Variants in GRID2 observed in about 807,000 individuals in gnomAD.
The protein encoded by GRID2 is glutamate receptor ionotropic, delta-2.
In GRID2, 33 loss-of-function variants were observed where a neutral mutation model predicts 114.8. That is an observed-to-expected ratio of 0.29 (90% CI 0.22 to 0.38). GRID2 has a LOEUF of 0.38. GRID2 is among the 10% of genes least tolerant of loss of function. The pLI is 1.00. For synonymous variants in GRID2, 505 were observed against 449.9 expected (o/e 1.12, Z -1.55); for missense variants, 1,184 against 1,257.7 (o/e 0.94, Z 0.89).
chr4:93,162,530 T>C (rs1319858724), intron 4 of GRID2, among the ~76,000 whole-genome samples: 1 of 151,968 alleles, frequency 6.6e-6, no homozygotes, highest in Non-Finnish European at 1.5e-5. Flanking sequence ...TGTGTTTGTA[T>C]ATTCCTTTTT....
chr4:92,553,186 T>C (rs975295466), intron 1 of GRID2, among the ~76,000 whole-genome samples: 1 of 152,216 alleles, frequency 6.6e-6, no homozygotes, highest in Non-Finnish European at 1.5e-5. Flanking sequence ...GCTTAATATC[T>C]AAGACGGACC....
rs868466052 is a variant in GRID2 at position 93,381,049 on chromosome 4, A to T, written c.1246-14558A>T. Among the ~76,000 whole-genome samples, 30 of 152,078 alleles carry T rather than the reference A, an allele frequency of 2.0e-4. No individual in the cohort carries two copies. In the Middle Eastern group the frequency reaches 0.017, roughly 86 times the overall value. On this transcript the variant is annotated intron_variant, in intron 8 of 15. Coordinates refer to ENST00000282020, the MANE Select transcript of GRID2 (RefSeq NM_001510.4). ...TACTCAATATTCTACCCCAGCCTTT[A>T]AAAAAAATTTTATTGTGGTAAAATA...
At chr4:93,406,110 A>T (rs1766384350) in intron 9 of GRID2, among the ~76,000 whole-genome samples, 1 of 152,164 alleles carries the variant, frequency 6.6e-6, no homozygotes, top group South Asian at 2.1e-4. Context: ...ATAAGCATTG[A>T]ATCCTTATCT....
chr4:92,449,759 A>G (rs556383599), intron 1 of GRID2, among the ~76,000 whole-genome samples: 35 of 147,250 alleles, frequency 2.4e-4, no homozygotes, highest in African/African-American at 8.7e-4. Flanking sequence ...AGGAATCTCT[A>G]GAAGCTTCAT....
chr4:93,222,378 C>T (rs972922942), intron 6 of GRID2, among the ~76,000 whole-genome samples: 1 of 151,574 alleles, frequency 6.6e-6, no homozygotes, highest in African/African-American at 2.4e-5. Flanking sequence ...AGCTTTGAAC[C>T]AAATATTGAG....
chr4:92,589,869 T>C (rs1728624720), intron 1 of GRID2, among the ~76,000 whole-genome samples: 1 of 152,188 alleles, frequency 6.6e-6, no homozygotes, highest in Non-Finnish European at 1.5e-5. Context: ...AGAAGCTTTT[T>C]ATACCTATTA....
chr4:92,410,040 A>G (rs1042067197), intron 1 of GRID2, among the ~76,000 whole-genome samples: 3 of 152,214 alleles, frequency 2.0e-5, no homozygotes, highest in African/African-American at 4.8e-5. Context: ...GAAAATATAA[A>G]TGCTATATTG....
intron 2 of GRID2, among the ~76,000 whole-genome samples, chr4:92,809,613 C>T (rs1444685644): frequency 6.6e-6 from 1 of 151,932 alleles, no homozygotes; most frequent in African/African-American, 2.4e-5. Flanking sequence ...TGATAGGTGA[C>T]CATCCAGCCC....
chr4:93,612,111 T>G (rs1740995168), intron 13 of GRID2, among the ~76,000 whole-genome samples: 1 of 152,148 alleles, frequency 6.6e-6, no homozygotes, highest in Admixed American at 6.5e-5. Flanking sequence ...AAAGTCTGTT[T>G]TATCAGAGAC....
intron 1 of GRID2, among the ~76,000 whole-genome samples, chr4:92,562,659 C>T (rs1727151527): frequency 6.6e-6 from 1 of 152,102 alleles, no homozygotes; most frequent in Admixed American, 6.6e-5. Flanking sequence ...CATGAAGGAA[C>T]ATAGATGGGC....
At chr4:93,600,996 G>A (rs1279069531) in intron 13 of GRID2, among the ~76,000 whole-genome samples, 2 of 152,176 alleles carry the variant, frequency 1.3e-5, no homozygotes, top group African/African-American at 2.4e-5. Flanking sequence ...AGAAATCAGA[G>A]CAATAGTGCC....
intron 1 of GRID2, among the ~76,000 whole-genome samples, chr4:92,363,837 T>TTC (rs1728729650): frequency 6.8e-6 from 1 of 147,414 alleles, no homozygotes; most frequent in African/African-American, 2.5e-5. Context: ...TTTTTTTTTT[T>TTC]CTGACAGAAT....
intron 1 of GRID2, among the ~76,000 whole-genome samples, chr4:92,362,290 T>G (rs754875860): frequency 6.6e-6 from 1 of 151,968 alleles, no homozygotes; most frequent in Non-Finnish European, 1.5e-5. Context: ...TTAGCAGAAG[T>G]TAGAATGTGC....
chr4:92,864,654 T>C (rs1209063215), intron 2 of GRID2, among the ~76,000 whole-genome samples: 1 of 152,182 alleles, frequency 6.6e-6, no homozygotes, highest in African/African-American at 2.4e-5. Context: ...AGGAAGGGTA[T>C]AGCATCCATT....
rs182180209 is a variant in GRID2, at chr4:93,688,462, T to C, written c.2360+62027T>C. ...TAATAACCTTGAAAGGTAGAGTATT[T>C]TGTCCTTATTTTTCAAAAGGTAAAA... On this transcript the variant is annotated intron_variant, in intron 14 of 15. Coordinates refer to ENST00000282020, the MANE Select transcript of GRID2 (RefSeq NM_001510.4). Among the ~76,000 whole-genome samples, 805 of 152,122 alleles carry C rather than the reference T, an allele frequency of 5.3e-3. 8 individuals carry two copies. Among genetic ancestry groups the C allele is most frequent in the African/African-American group, 0.018 (762 of 41,506 alleles).
At chr4:92,792,283 T>A (rs528762414) in intron 2 of GRID2, among the ~76,000 whole-genome samples, 34 of 151,886 alleles carry the variant, frequency 2.2e-4, no homozygotes, top group Middle Eastern at 3.4e-3. Context: ...ACTCATAAGG[T>A]CACGTGAAGT....
intron 14 of GRID2, among the ~76,000 whole-genome samples, chr4:93,660,181 A>G (rs970225386): frequency 1.3e-5 from 2 of 152,140 alleles, no homozygotes; most frequent in African/African-American, 4.8e-5. Context: ...ATTTCTAGCT[A>G]CATTTACTCA....
At chr4:93,675,808 A>AT (rs1422292562) in intron 14 of GRID2, among the ~76,000 whole-genome samples, 1 of 152,178 alleles carries the variant, frequency 6.6e-6, no homozygotes, top group African/African-American at 2.4e-5. Flanking sequence ...TATATATGTT[A>AT]TTTTTTCAAG....
At chr4:92,987,040 A>G (rs1754548042) in intron 2 of GRID2, among the ~76,000 whole-genome samples, 1 of 152,196 alleles carries the variant, frequency 6.6e-6, no homozygotes, top group Non-Finnish European at 1.5e-5. Flanking sequence ...ATTTCAGAGT[A>G]GATTCTTAAC....
Sources: allele counts gnomAD v4.1 joint callset (sites outside exome capture counted in the v4.1 genomes callset), GRCh38; gene constraint gnomAD v4.1.1; transcripts MANE v1.5; gene names NCBI Gene and HGNC (gene_info 2026-07-23, HGNC 2026-07-21).